Variants in DNAH11 observed in about 807,000 individuals in gnomAD.
The protein encoded by DNAH11 is dynein axonemal heavy chain 11, also known as axonemal beta dynein heavy chain 11.
A neutral mutation model predicts 526.0 loss-of-function variants in DNAH11; 442 were observed. That is an observed-to-expected ratio of 0.84 (90% CI 0.78 to 0.91). DNAH11 has a LOEUF of 0.91. Ranked by LOEUF, DNAH11 falls within the 40% of genes least tolerant of loss-of-function variation. The pLI, the probability that DNAH11 is intolerant of heterozygous loss-of-function variation, is 0.00. For missense variants in DNAH11, 6,989 were observed against 5,448.7 expected, an observed-to-expected ratio of 1.28 and a Z score of -8.90; for synonymous variants, 2,461 against 1,935.9, an observed-to-expected ratio of 1.27 and a Z score of -7.12.
chr7:21,817,211 C>A (rs1046336429), intron 64 of DNAH11, among the ~76,000 whole-genome samples: 1 of 152,112 alleles, frequency 6.6e-6, no homozygotes, highest in East Asian at 1.9e-4. Flanking sequence ...CCAAGAATTT[C>A]TGTTACTGAG....
chr7:21,842,635 G>A lies in DNAH11; in HGVS notation c.10783G>A (p.Glu3595Lys), dbSNP rs762731249. The A allele has an allele frequency of 2.5e-6, 4 of 1,613,772 alleles. No individual in the cohort carries two copies. Among genetic ancestry groups the A allele is most frequent in the African/African-American group, 2.7e-5 (2 of 74,896 alleles). The change falls in exon 66 of 82, where the codon GAA (glutamate) becomes AAA (lysine). Residue 3595 changes from glutamate to lysine, a missense_variant. Coordinates refer to ENST00000409508, the MANE Select transcript of DNAH11 (RefSeq NM_001277115.2). Reference protein sequence around the residue: ...TKLANPHYKPELQAQTTLLNF... With the variant: ...TKLANPHYKPKLQAQTTLLNF... ...ATTGGCAAATCCTCACTATAAGCCGGAATTACAAGCTCAGACAACTCTCCT... is the reference window on the plus strand; with the variant it reads ...ATTGGCAAATCCTCACTATAAGCCGAAATTACAAGCTCAGACAACTCTCCT...
chr7:21,598,392 C>T (rs1333749213), intron 14 of DNAH11, among the ~76,000 whole-genome samples: 2 of 152,122 alleles, frequency 1.3e-5, no homozygotes, highest in Non-Finnish European at 2.9e-5. Flanking sequence ...CTGTAGTGGT[C>T]CTTAACCACA....
rs375636554 is a variant in DNAH11 at position 21,564,336 on chromosome 7, A to C, written c.1133A>C (p.Tyr378Ser). 37 of 1,613,562 alleles carry C rather than the reference A, an allele frequency of 2.3e-5. No individual in the cohort carries two copies. Among genetic ancestry groups the C allele is most frequent in the Non-Finnish European group, 2.8e-5 (33 of 1,179,778 alleles). Residue 378 changes from tyrosine (Y) to serine (S), a missense_variant, in exon 6 of 82, where the codon TAT becomes TCT. By Grantham distance (144) the Tyr-to-Ser change is moderately radical (BLOSUM62 -2). Coordinates refer to ENST00000409508, the MANE Select transcript of DNAH11 (RefSeq NM_001277115.2). ...ICLIWSHSKF[Y>S]NTPARVIVLL... ...CTGATCTGGAGTCATTCCAAGTTTT[A>C]TAACACCCCAGCTCGGGTTATAGTT...
intron 62 of DNAH11, among the ~76,000 whole-genome samples, chr7:21,802,462 C>T (rs887877919): frequency 2.0e-5 from 3 of 152,128 alleles, no homozygotes; most frequent in African/African-American, 7.2e-5. Flanking sequence ...ATCATCTACT[C>T]ATAGGTATAT....
At chr7:21,681,983 T>A (rs915452134) in intron 31 of DNAH11, among the ~76,000 whole-genome samples, 3 of 152,182 alleles carry the variant, frequency 2.0e-5, no homozygotes, top group Admixed American at 1.3e-4. Flanking sequence ...TGTGTGACCG[T>A]CTTGGTCATT....
At chr7:21,675,180 T>C (rs1208925021) in intron 30 of DNAH11, among the ~76,000 whole-genome samples, 3 of 152,236 alleles carry the variant, frequency 2.0e-5, no homozygotes, top group African/African-American at 7.2e-5. Flanking sequence ...TTCAGCACCA[T>C]CTCATTGTCC....
At chr7:21,826,265 T>A (rs1272089714) in intron 65 of DNAH11, among the ~76,000 whole-genome samples, 1 of 152,022 alleles carries the variant, frequency 6.6e-6, no homozygotes, top group Non-Finnish European at 1.5e-5. Flanking sequence ...AATAAAGACT[T>A]TCTTATTTCC....
chr7:21,823,616 C>T (rs1471001094), intron 65 of DNAH11, among the ~76,000 whole-genome samples: 1 of 151,970 alleles, frequency 6.6e-6, no homozygotes, highest in Non-Finnish European at 1.5e-5. Flanking sequence ...TTCACTCATA[C>T]ATAACTTTGA....
At chr7:21,753,943 C>T (rs753778544) in intron 54 of DNAH11, among the ~76,000 whole-genome samples, 4 of 152,030 alleles carry the variant, frequency 2.6e-5, no homozygotes, top group Non-Finnish European at 5.9e-5. Flanking sequence ...AGAAGGATTT[C>T]GTAAAGTTTT....
chr7:21,840,327 A>AT (rs1782157523), intron 65 of DNAH11, among the ~76,000 whole-genome samples: 1 of 152,186 alleles, frequency 6.6e-6, no homozygotes, highest in Non-Finnish European at 1.5e-5. Context: ...GGCAATAAAT[A>AT]TTTTTTTCTC....
intron 65 of DNAH11, among the ~76,000 whole-genome samples, chr7:21,825,756 G>A (rs1486224499): frequency 3.9e-5 from 6 of 151,938 alleles, no homozygotes; most frequent in African/African-American, 7.3e-5. Context: ...TCAGGAGATC[G>A]AGACCAACCT....
At chr7:21,793,884 C>A (rs892165948) in intron 61 of DNAH11, among the ~76,000 whole-genome samples, 5 of 152,088 alleles carry the variant, frequency 3.3e-5, no homozygotes, top group African/African-American at 1.2e-4. Context: ...TTTTAAACTC[C>A]CTCTTGAACT....
In DNAH11 at chr7:21,889,323, T is replaced by C. The variant is rs540462126; in HGVS notation, c.12508-3102T>C. Among the ~76,000 whole-genome samples the C allele has an allele frequency of 2.6e-5, 4 of 152,366 alleles. No individual in the cohort carries two copies. The South Asian group carries it at 8.3e-4, about 32-fold the overall frequency. On this transcript the variant is annotated intron_variant, in intron 76 of 81. Transcript: ENST00000409508. The stretch of plus-strand genomic sequence containing the variant: ...AGTGGACATTTGGGTTGTTTCTCCT[T>C]CTTGGCTATTATGAATAATGCTGCT...
At chr7:21,752,024 T>G (rs1392112249) in intron 54 of DNAH11, among the ~76,000 whole-genome samples, 1 of 152,228 alleles carries the variant, frequency 6.6e-6, no homozygotes, top group Non-Finnish European at 1.5e-5. Flanking sequence ...AGCAACTTTT[T>G]AAAAATGCAT....
intron 37 of DNAH11, 78 bp from the exon 38 acceptor site, chr7:21,704,356 A>T: frequency 7.0e-7 from 1 of 1,421,264 alleles, no homozygotes; most frequent in East Asian, 2.5e-5. Context: ...TGAGGAGTAA[A>T]AATAACAAAC....
chr7:21,632,118 G>A (rs961089163), intron 25 of DNAH11, among the ~76,000 whole-genome samples: 5 of 152,170 alleles, frequency 3.3e-5, no homozygotes, highest in South Asian at 2.1e-4. Flanking sequence ...CTGAAGCCAC[G>A]TCCCGAGCTC....
chr7:21,593,616 G>T (rs1319722158), intron 14 of DNAH11, among the ~76,000 whole-genome samples: 1 of 152,146 alleles, frequency 6.6e-6, no homozygotes, highest in African/African-American at 2.4e-5. Flanking sequence ...TTAGACAGGA[G>T]CGCGGAGCAT....
At chr7:21,678,482 G>C (rs1234496600) in intron 30 of DNAH11, among the ~76,000 whole-genome samples, 1 of 152,032 alleles carries the variant, frequency 6.6e-6, no homozygotes, top group Non-Finnish European at 1.5e-5. Context: ...GAAATCAAGA[G>C]ATGTGATGCC....
intron 30 of DNAH11, among the ~76,000 whole-genome samples, chr7:21,672,314 C>G (rs922100454): frequency 6.6e-6 from 1 of 152,172 alleles, no homozygotes; most frequent in Admixed American, 6.6e-5. Flanking sequence ...GAGAGTGTGT[C>G]TCGCTCTATT....
Sources: allele counts gnomAD v4.1 joint callset (sites outside exome capture counted in the v4.1 genomes callset), GRCh38; gene constraint gnomAD v4.1.1; transcripts MANE v1.5; gene names NCBI Gene and HGNC (gene_info 2026-07-23, HGNC 2026-07-21).